The following LRP1B variants were observed in gnomAD, a reference collection of about 807,000 sequenced individuals.
LRP1B encodes low-density lipoprotein receptor-related protein 1B.
In LRP1B, 217 loss-of-function variants were observed where a neutral mutation model predicts 556.6. The ratio of observed to expected loss-of-function variants is 0.39; its 90% CI spans 0.35 to 0.44. LRP1B has a LOEUF of 0.44. Ranked by LOEUF, LRP1B falls within the 20% of genes least tolerant of loss-of-function variation. The pLI is 1.00. For synonymous variants in LRP1B, 2,047 were observed against 1,865.8 expected, an observed-to-expected ratio of 1.10 and a Z score of -2.50; for missense variants, 5,053 against 5,620.8, an observed-to-expected ratio of 0.90 and a Z score of 3.23.
chr2:140,324,547 C>T (rs1680351319), intron 80 of LRP1B, among the ~76,000 whole-genome samples: 2 of 151,990 alleles, frequency 1.3e-5, no homozygotes, highest in Non-Finnish European at 2.9e-5. Flanking sequence ...TTTGACATTA[C>T]TATTATTCAT....
At chr2:141,724,825 T>C (rs1574287154) in intron 2 of LRP1B, among the ~76,000 whole-genome samples, 1 of 152,022 alleles carries the variant, frequency 6.6e-6, no homozygotes, top group Non-Finnish European at 1.5e-5. Context: ...ATAATCTGTT[T>C]TGAAAATTAT....
At chr2:142,025,079 A>AT (rs1279061642) in intron 1 of LRP1B, among the ~76,000 whole-genome samples, 1 of 151,948 alleles carries the variant, frequency 6.6e-6, no homozygotes. Flanking sequence ...CATACATTTT[A>AT]TTTTTTTCCA....
chr2:141,329,308 A>C (rs992519907), intron 3 of LRP1B, among the ~76,000 whole-genome samples: 4 of 150,830 alleles, frequency 2.7e-5, no homozygotes, highest in Non-Finnish European at 5.9e-5. Flanking sequence ...GAATCACTGA[A>C]AACCGGGAAG....
intron 41 of LRP1B, among the ~76,000 whole-genome samples, chr2:140,662,558 G>A (rs1021034672): frequency 3.9e-5 from 6 of 151,994 alleles, no homozygotes; most frequent in Non-Finnish European, 5.9e-5. Flanking sequence ...TGAAAGGCCT[G>A]GAATTTACTA....
In LRP1B at chr2:141,196,229, C is replaced by T. The variant is rs543084231; in HGVS notation, c.851-7646G>A. On this transcript the variant is annotated intron_variant, in intron 6 of 90. Coordinates refer to ENST00000389484, the MANE Select transcript of LRP1B (RefSeq NM_018557.3). The stretch of plus-strand genomic sequence containing the variant: ...CATCAAGGCTTATGGTAAAAAATAG[C>T]AGTGTCCACTCCACTCCTCTCCATT... 2.6e-4 allele frequency among the ~76,000 whole-genome samples: 40 copies of T among 152,128 alleles called. 1 individual carries two copies. The South Asian group carries it at 5.4e-3, about 20-fold the overall frequency.
chr2:141,841,145 T>C (rs1697458484), intron 1 of LRP1B, among the ~76,000 whole-genome samples: 1 of 152,170 alleles, frequency 6.6e-6, no homozygotes, highest in South Asian at 2.1e-4. Context: ...ATCTTCAAAA[T>C]AGTTCTACTT....
At chr2:141,282,117 A>G (rs1426785511) in intron 3 of LRP1B, among the ~76,000 whole-genome samples, 1 of 152,008 alleles carries the variant, frequency 6.6e-6, no homozygotes, top group Non-Finnish European at 1.5e-5. Flanking sequence ...AACTGAACCA[A>G]TTTTGGACCT....
chr2:140,559,209 T>C (rs1033188441), intron 43 of LRP1B, among the ~76,000 whole-genome samples: 8 of 152,112 alleles, frequency 5.3e-5, no homozygotes, highest in African/African-American at 1.9e-4. Context: ...ATTAACTGTT[T>C]TTTTTTAACA....
Position 140,902,934 on chromosome 2 carries a change from C to T in LRP1B, c.3752G>A (p.Ser1251Asn), listed in dbSNP as rs948572584. The T allele has an allele frequency of 1.9e-6, 3 of 1,613,296 alleles. No homozygotes were observed. Among genetic ancestry groups the T allele is most frequent in the Admixed American group, 1.7e-5 (1 of 59,930 alleles). Residue 1251 changes from serine (S) to asparagine (N), a missense_variant, in exon 23 of 91, where the codon AGT (serine) becomes AAT (asparagine). By Grantham distance (46) the Ser-to-Asn change is conservative (BLOSUM62 1). Coordinates refer to ENST00000389484, the MANE Select transcript of LRP1B (RefSeq NM_018557.3). ...TAGTTACTTACCAACACTTGTACAA[C>T]TTTCACCGTCTACATCCAGCTTCCA... ...EGWKLDVDGESCTSVDPFEAF... is the reference protein window; with the variant it reads ...EGWKLDVDGENCTSVDPFEAF...
At chr2:140,287,158 A>G (rs991131053) in intron 84 of LRP1B, among the ~76,000 whole-genome samples, 11 of 151,864 alleles carry the variant, frequency 7.2e-5, no homozygotes, top group Non-Finnish European at 5.9e-5. Flanking sequence ...AACTCAGACT[A>G]TACATCCAAC....
At chr2:141,382,166 G>A (rs926648972) in intron 3 of LRP1B, among the ~76,000 whole-genome samples, 27 of 152,152 alleles carry the variant, frequency 1.8e-4, no homozygotes, top group African/African-American at 6.3e-4. Context: ...CGGCTCATCT[G>A]CTCACTGACA....
At chr2:140,486,501 T>C (rs750340055) in intron 58 of LRP1B, among the ~76,000 whole-genome samples, 3 of 151,904 alleles carry the variant, frequency 2.0e-5, no homozygotes, top group African/African-American at 7.2e-5. Context: ...TATCTTTACA[T>C]AACCTTATGT....
At chr2:141,388,045 T>G (rs1381515030) in intron 3 of LRP1B, among the ~76,000 whole-genome samples, 2 of 152,190 alleles carry the variant, frequency 1.3e-5, no homozygotes, top group East Asian at 3.8e-4. Context: ...GAAATATGTT[T>G]TATTAATATA....
rs764483142 is a variant in LRP1B at position 140,598,672 on chromosome 2, C to T, written c.7153G>A (p.Gly2385Arg). Reference sequence around the variant, plus strand: ...TCGTATTCACACCTTTCAATTTTTCCTAGACTGCCATCTGAGAAATACAGC... The same window carrying T: ...TCGTATTCACACCTTTCAATTTTTCTTAGACTGCCATCTGAGAAATACAGC... Reference protein sequence around the residue: ...EKLYFSDGSLGKIERCEYDGS... With the variant: ...EKLYFSDGSLRKIERCEYDGS... The change falls in exon 43 of 91, where the codon GGA (glycine) becomes AGA (arginine). Residue 2385 changes from glycine (G) to arginine (R), a missense_variant. Gly to Arg is a moderately radical substitution (Grantham distance 125). Transcript: ENST00000389484. 16 of 1,613,544 alleles carry T rather than the reference C, an allele frequency of 9.9e-6. No individual in the cohort carries two copies. Among genetic ancestry groups the T allele is most frequent in the African/African-American group, 8.0e-5 (6 of 74,894 alleles).
chr2:140,425,030 C>A (rs982134597), intron 66 of LRP1B, among the ~76,000 whole-genome samples: 22 of 151,870 alleles, frequency 1.4e-4, no homozygotes, highest in African/African-American at 5.1e-4. Context: ...CGATTATAAT[C>A]CCTGGCCTGG....
intron 2 of LRP1B, among the ~76,000 whole-genome samples, chr2:141,772,792 G>A (rs1351370334): frequency 1.3e-5 from 2 of 152,150 alleles, no homozygotes; most frequent in Non-Finnish European, 2.9e-5. Flanking sequence ...GTTCCTGGAA[G>A]CCCTGGGCAT....
intron 66 of LRP1B, among the ~76,000 whole-genome samples, chr2:140,434,750 C>T (rs965045243): frequency 9.2e-5 from 14 of 152,256 alleles, no homozygotes; most frequent in African/African-American, 3.4e-4. Flanking sequence ...GTTTAGTATA[C>T]TCAGATCACA....
intron 1 of LRP1B, among the ~76,000 whole-genome samples, chr2:141,883,555 A>G (rs187540732): frequency 6.6e-5 from 10 of 152,240 alleles, no homozygotes; most frequent in Admixed American, 6.5e-4. Context: ...CCCTGTCTCT[A>G]CAGAAAACAA....
intron 35 of LRP1B, among the ~76,000 whole-genome samples, chr2:140,741,300 C>A (rs1688129494): frequency 6.6e-6 from 1 of 152,136 alleles, no homozygotes; most frequent in East Asian, 1.9e-4. Context: ...CGAAGCCATG[C>A]CAGGCAAAGG....
Sources: gnomAD v4.1 joint callset for allele counts (sites outside exome capture counted in the v4.1 genomes callset) on GRCh38, gnomAD v4.1.1 for gene constraint, MANE v1.5 for transcripts, NCBI Gene and HGNC (gene_info 2026-07-23, HGNC 2026-07-21) for gene names.